CCDC73: variants seen among roughly 807,000 people sequenced by gnomAD.
CCDC73 encodes coiled-coil domain-containing protein 73.
In CCDC73, 95 loss-of-function variants were observed where a neutral mutation model predicts 116.5. The ratio of observed to expected loss-of-function variants is 0.82; its 90% CI spans 0.69 to 0.97. CCDC73 has a LOEUF of 0.97. Among genes scored for constraint, CCDC73 ranks in the 50% least tolerant of loss-of-function variants. The pLI is 0.00. For missense variants in CCDC73, 1,066 were observed against 1,206.8 expected, an observed-to-expected ratio of 0.88 and a Z score of 1.73; for synonymous variants, 398 against 401.3, an observed-to-expected ratio of 0.99 and a Z score of 0.10.
chr11:32,615,747 C>G lies in CCDC73; in HGVS notation c.1375+193G>C, dbSNP rs1265856324. The stretch of plus-strand genomic sequence containing the variant: ...AGGTTATCTGAATTAAGAAAAATGC[C>G]CTAGGTCTGGTCATCAGAAGGTTAC... On this transcript the variant is annotated intron_variant, in intron 15 of 17. Transcript: ENST00000335185. 9 of 459,842 alleles carry G rather than the reference C, an allele frequency of 2.0e-5. No individual in the cohort carries two copies. In the East Asian group the frequency reaches 4.2e-4, roughly 21 times the overall value. The allele number at this position is 459,842 out of a possible 1,614,324, so 28.5% of individuals were successfully genotyped here.
intron 9 of CCDC73, among the ~76,000 whole-genome samples, chr11:32,663,122 G>A (rs1271211259): frequency 2.0e-5 from 3 of 152,190 alleles, no homozygotes; most frequent in Admixed American, 6.5e-5. Context: ...CAGGTAGTGT[G>A]ATGCCTCCAG....
chr11:32,731,459 G>A (rs1233893881), intron 2 of CCDC73, among the ~76,000 whole-genome samples: 2 of 152,152 alleles, frequency 1.3e-5, no homozygotes, highest in African/African-American at 4.8e-5. Flanking sequence ...AGAATGGACA[G>A]ACTGCATCAA....
chr11:32,738,239 A>G (rs1226200613), intron 2 of CCDC73, among the ~76,000 whole-genome samples: 4 of 152,202 alleles, frequency 2.6e-5, no homozygotes, highest in Non-Finnish European at 5.9e-5. Flanking sequence ...TTGCTGGATC[A>G]TATGGTAGCT....
chr11:32,684,042 TTTTG>T (rs3981867), intron 6 of CCDC73, among the ~76,000 whole-genome samples: 4 of 150,806 alleles, frequency 2.7e-5, no homozygotes, highest in African/African-American at 4.9e-5. Context: ...TACTACCAGG[TTTTG>T]TTTGTTTGTT....
intron 9 of CCDC73, among the ~76,000 whole-genome samples, chr11:32,656,117 G>A (rs957570262): frequency 1.3e-5 from 2 of 149,790 alleles, no homozygotes; most frequent in Non-Finnish European, 3.0e-5. Context: ...TTGCTCTGTC[G>A]CCCAGACTGG....
At chr11:32,780,535 GT>G (rs767219259) in intron 1 of CCDC73, among the ~76,000 whole-genome samples, 22 of 152,048 alleles carry the variant, frequency 1.4e-4, no homozygotes, top group Non-Finnish European at 2.8e-4. Context: ...TGCAGAAAAA[GT>G]TTTATGTTAA....
rs375290989 is a variant in CCDC73 at position 32,743,214 on chromosome 11, G to C, written c.135+16895C>G. 7.9e-5 allele frequency among the ~76,000 whole-genome samples: 12 copies of C among 152,232 alleles called. No homozygotes were observed. The East Asian group carries it at 2.3e-3, about 29-fold the overall frequency. On this transcript the variant is annotated intron_variant, in intron 2 of 17. Coordinates refer to ENST00000335185, the MANE Select transcript of CCDC73 (RefSeq NM_001008391.4). ...GAAAAGGTCAGTGGTAGCTTGATGG[G>C]GACAGCATTGAATCTATAAATTACT...
the CCDC73 span, among the ~76,000 whole-genome samples, chr11:32,819,358 G>A: frequency 6.6e-6 from 1 of 151,392 alleles, no homozygotes; most frequent in Non-Finnish European, 1.5e-5. Context: ...CACAATCTTG[G>A]GATTACACTC....
At chr11:32,773,627 CA>C (rs1565098530) in intron 1 of CCDC73, among the ~76,000 whole-genome samples, 2 of 151,854 alleles carry the variant, frequency 1.3e-5, no homozygotes, top group African/African-American at 4.8e-5. Flanking sequence ...CAAACACACA[CA>C]CACACACAAA....
At chr11:32,637,983 C>T (rs1855697431) in intron 13 of CCDC73, among the ~76,000 whole-genome samples, 1 of 152,164 alleles carries the variant, frequency 6.6e-6, no homozygotes, top group Non-Finnish European at 1.5e-5. Context: ...AAATCTGCTT[C>T]TCCTTTCACA....
intron 9 of CCDC73, among the ~76,000 whole-genome samples, chr11:32,661,541 A>C (rs528116751): frequency 6.7e-6 from 1 of 149,912 alleles, no homozygotes; most frequent in Non-Finnish European, 1.5e-5. Context: ...GAGAGTGAGA[A>C]CATGCGGTGT....
intron 2 of CCDC73, among the ~76,000 whole-genome samples, chr11:32,743,429 C>T (rs1048832960): frequency 4.6e-5 from 7 of 152,122 alleles, no homozygotes; most frequent in Non-Finnish European, 8.8e-5. Context: ...TCCTGAATGA[C>T]TGCTGGGTAA....
the CCDC73 span, among the ~76,000 whole-genome samples, chr11:32,801,363 C>T: frequency 6.6e-6 from 1 of 152,186 alleles, no homozygotes; most frequent in Non-Finnish European, 1.5e-5. Flanking sequence ...TCCTAACTGG[C>T]TGGGCGCAGT....
At position 32,613,704 on chromosome 11, in the gene CCDC73, C is replaced by G; in HGVS notation, c.2614G>C (p.Glu872Gln). Residue 872 changes from glutamate to glutamine, a missense_variant, in exon 16 of 18, where the codon GAG becomes CAG. By Grantham distance (29) the Glu-to-Gln change is conservative. Transcript: ENST00000335185. ...CTGTTTACTAAATCTCCAGATGGCT[C>G]TATGTGAAATGAATGTGATTCCTCC... ...QLEESHSFHIEPSGDLVNRSG... is the reference protein window; with the variant it reads ...QLEESHSFHIQPSGDLVNRSG... 6.2e-7 allele frequency: 1 copy of G among 1,614,066 alleles called. No individual in the cohort carries two copies. The highest frequency in any genetic ancestry group is 1.1e-5 in the South Asian group (1 of 91,072).
intron 7 of CCDC73, among the ~76,000 whole-genome samples, chr11:32,679,224 A>G (rs1304199036): frequency 6.6e-6 from 1 of 152,128 alleles, no homozygotes; most frequent in Non-Finnish European, 1.5e-5. Flanking sequence ...GCAATAATGA[A>G]CCATATTGCT....
chr11:32,688,860 G>A (rs1053488118), intron 6 of CCDC73, among the ~76,000 whole-genome samples: 2 of 152,124 alleles, frequency 1.3e-5, no homozygotes, highest in Non-Finnish European at 2.9e-5. Flanking sequence ...TCAAAAGAAA[G>A]ATAAGGAAAT....
chr11:32,663,929 T>G (rs893838286), intron 9 of CCDC73, among the ~76,000 whole-genome samples: 3 of 152,190 alleles, frequency 2.0e-5, no homozygotes, highest in Non-Finnish European at 2.9e-5. Context: ...GTGCATCTAT[T>G]GAGATAATCA....
chr11:32,709,644 A>G (rs12796070), intron 3 of CCDC73, among the ~76,000 whole-genome samples: 12,835 of 152,126 alleles, frequency 0.084, 623 homozygotes, highest in South Asian at 0.12. Context: ...TTCTGCATCT[A>G]TGTTCATCAG....
intron 14 of CCDC73, 152 bp from the exon 15 acceptor site, chr11:32,616,281 C>A (rs988867995): frequency 4.0e-6 from 3 of 750,722 alleles, no homozygotes; most frequent in Admixed American, 3.8e-5. Flanking sequence ...GTTTAATATA[C>A]CATACTCTTT....
Sources: gnomAD v4.1 joint callset for allele counts (sites outside exome capture counted in the v4.1 genomes callset) on GRCh38, gnomAD v4.1.1 for gene constraint, MANE v1.5 for transcripts, NCBI Gene and HGNC (gene_info 2026-07-23, HGNC 2026-07-21) for gene names.